LDLRAD4: variants seen among roughly 807,000 people sequenced by gnomAD.
LDLRAD4 encodes low density lipoprotein receptor class A domain containing 4.
Under a neutral mutation model 17.0 loss-of-function variants are expected in LDLRAD4, and 5 were observed. The ratio of observed to expected loss-of-function variants is 0.29; its 90% CI spans 0.15 to 0.62. The LOEUF is 0.62. Ranked by LOEUF, LDLRAD4 falls within the 20% of genes least tolerant of loss-of-function variation. LDLRAD4 has a pLI of 0.84. For missense variants in LDLRAD4, 340 were observed against 424.7 expected, an observed-to-expected ratio of 0.80 and a Z score of 1.75; for synonymous variants, 168 against 171.8, an observed-to-expected ratio of 0.98 and a Z score of 0.17.
In LDLRAD4 at chr18:13,291,441, A is replaced by G. The variant is rs984528407; in HGVS notation, c.-383+13253A>G. On this transcript the variant is annotated intron_variant, in intron 1 of 5. Transcript: ENST00000359446. ...AAAAGCCTTGGACAAATCAAATTGT[A>G]CAGTTGCAGAGGGTGAGGCGCAGAT... 4.6e-5 allele frequency among the ~76,000 whole-genome samples: 7 copies of G among 152,212 alleles called. No individual in the cohort carries two copies. The South Asian group carries it at 8.3e-4, about 18-fold the overall frequency.
chr18:13,432,725 A>G (rs1345892082), intron 2 of LDLRAD4, among the ~76,000 whole-genome samples: 2 of 152,018 alleles, frequency 1.3e-5, no homozygotes, highest in African/African-American at 2.4e-5. Context: ...ACTTCTATTT[A>G]TTTATTTAAG....
chr18:13,632,534 C>T lies in LDLRAD4; in HGVS notation c.337-10825C>T, dbSNP rs149733308. Among the ~76,000 whole-genome samples the T allele has an allele frequency of 2.6e-3, 395 of 152,312 alleles. 2 individuals carry two copies. Among genetic ancestry groups the T allele is most frequent in the African/African-American group, 8.8e-3 (365 of 41,568 alleles). ...TGGATGAGGGGAATGTGATGGTACC[C>T]GGAAGCTTGGAGACACCAGGAACTG... is the stretch of plus-strand genomic sequence containing the variant. On this transcript the variant is annotated intron_variant, in intron 4 of 5. Coordinates refer to ENST00000359446, the Ensembl canonical transcript of LDLRAD4.
At chr18:13,349,830 G>T (rs544043536) in intron 1 of LDLRAD4, among the ~76,000 whole-genome samples, 1 of 150,660 alleles carries the variant, frequency 6.6e-6, no homozygotes, top group Non-Finnish European at 1.5e-5. Context: ...TCCTCTCCCT[G>T]TGTCCGTGTG....
At chr18:13,222,237 G>C (rs1357454591) in intron 1 of LDLRAD4, among the ~76,000 whole-genome samples, 1 of 151,974 alleles carries the variant, frequency 6.6e-6, no homozygotes, top group Admixed American at 6.5e-5. Flanking sequence ...AAAATGTCGA[G>C]CTGTTCAGGG....
intron 1 of LDLRAD4, among the ~76,000 whole-genome samples, chr18:13,379,419 T>C (rs998741323): frequency 1.3e-5 from 2 of 152,154 alleles, no homozygotes; most frequent in African/African-American, 2.4e-5. Context: ...CAGTCAGCAT[T>C]TATTGGGTAC....
In LDLRAD4 at chr18:13,367,811, T is replaced by C. The variant is rs944010558; in HGVS notation, c.-382-19530T>C. Among the ~76,000 whole-genome samples, 1 of 149,464 alleles carries C rather than the reference T, an allele frequency of 6.7e-6. No homozygotes were observed. Among genetic ancestry groups the C allele is most frequent in the Admixed American group, 6.7e-5 (1 of 15,004 alleles). ...TGGGGGCACGTGCTTTCAGGGGATG[T>C]ACTGAGAGAGAGGGGACAGTGGGGT... On this transcript the variant is annotated intron_variant, in intron 1 of 5. Coordinates refer to ENST00000359446, the Ensembl canonical transcript of LDLRAD4. This position sits in a 1 kb window ranked among gnomAD's most constrained non-coding sequence, Gnocchi z 4.1.
At chr18:13,462,962 C>T (rs1461544100) in intron 3 of LDLRAD4, among the ~76,000 whole-genome samples, 1 of 152,122 alleles carries the variant, frequency 6.6e-6, no homozygotes, top group Non-Finnish European at 1.5e-5. Context: ...TTGCAGGGCT[C>T]TCTAGGGCAA....
intron 3 of LDLRAD4, among the ~76,000 whole-genome samples, chr18:13,592,392 G>A (rs1269699657): frequency 1.3e-5 from 2 of 152,142 alleles, no homozygotes; most frequent in African/African-American, 2.4e-5. Flanking sequence ...CTGCTAAGTC[G>A]ACTGTCCTAA....
intron 1 of LDLRAD4, among the ~76,000 whole-genome samples, chr18:13,265,065 G>T (rs943104971): frequency 6.6e-6 from 1 of 152,128 alleles, no homozygotes; most frequent in Non-Finnish European, 1.5e-5. Context: ...CCACTGTGTC[G>T]CCAAGGCCTG....
At chr18:13,329,178 G>A (rs2081707260) in intron 1 of LDLRAD4, among the ~76,000 whole-genome samples, 1 of 152,156 alleles carries the variant, frequency 6.6e-6, no homozygotes, top group Non-Finnish European at 1.5e-5. Flanking sequence ...ATTCCCAGAA[G>A]TGAAGTTGCT....
intron 1 of LDLRAD4, among the ~76,000 whole-genome samples, chr18:13,368,691 T>C (rs755105592): frequency 5.9e-5 from 9 of 152,130 alleles, no homozygotes; most frequent in African/African-American, 1.2e-4. Context: ...GGGGACCAGG[T>C]TGTTTGGGAG....
intron 3 of LDLRAD4, among the ~76,000 whole-genome samples, chr18:13,516,574 G>A (rs900265077): frequency 2.6e-5 from 4 of 152,168 alleles, no homozygotes; most frequent in South Asian, 2.1e-4. Context: ...TTGAAATTTC[G>A]TTTATTTCTA....
chr18:13,296,271 G>T (rs1382847721), intron 1 of LDLRAD4, among the ~76,000 whole-genome samples: 1 of 152,226 alleles, frequency 6.6e-6, no homozygotes, highest in Non-Finnish European at 1.5e-5. Flanking sequence ...AGATGTTTTA[G>T]GGTCCTCTGT....
At chr18:13,486,222 C>G (rs1043948499) in intron 3 of LDLRAD4, among the ~76,000 whole-genome samples, 1 of 152,180 alleles carries the variant, frequency 6.6e-6, no homozygotes, top group African/African-American at 2.4e-5. Context: ...AGACGTAGTT[C>G]CCTGGGATAT....
intron 3 of LDLRAD4, chr18:13,486,692 G>A (rs1353570701): frequency 6.6e-6 from 1 of 152,214 alleles, no homozygotes; most frequent in Non-Finnish European, 1.5e-5. Context: ...TCAGAAAAGT[G>A]CATGTATCAA....
chr18:13,561,696 C>T (rs1265184977), intron 3 of LDLRAD4: 1 of 152,156 alleles, frequency 6.6e-6, no homozygotes, highest in Admixed American at 6.5e-5. Context: ...CGTGTCTTGA[C>T]TCAGTGTAGG....
intron 3 of LDLRAD4, among the ~76,000 whole-genome samples, chr18:13,617,548 G>C (rs1182444786): frequency 6.6e-6 from 1 of 152,208 alleles, no homozygotes; most frequent in Non-Finnish European, 1.5e-5. Context: ...AAAGTTTATA[G>C]CATCTATAGA....
At chr18:13,643,440 CG>C in intron 5 of LDLRAD4, 28 bp downstream of exon 6, 6 of 132,516 alleles carry the variant, frequency 4.5e-5, no homozygotes, top group Non-Finnish European at 6.1e-5. Context: ...GTGATGGCTG[CG>C]GGGGGCGGGG....
chr18:13,381,776 T>C (rs992209321), intron 1 of LDLRAD4, among the ~76,000 whole-genome samples: 2 of 152,234 alleles, frequency 1.3e-5, no homozygotes, highest in Admixed American at 6.5e-5. Flanking sequence ...TTTTCTCCCA[T>C]CTGTCTCATG....
Sources: gnomAD v4.1 joint callset for allele counts (sites outside exome capture counted in the v4.1 genomes callset) on GRCh38, gnomAD v4.1.1 for gene constraint, Gnocchi (gnomAD v3.1) non-coding constraint, MANE v1.5 for transcripts, NCBI Gene and HGNC (gene_info 2026-07-23, HGNC 2026-07-21) for gene names.